ASAP1: variants seen among roughly 807,000 people sequenced by gnomAD.
The protein encoded by ASAP1 is arf-GAP with SH3 domain, ANK repeat and PH domain-containing protein 1.
A neutral mutation model predicts 145.2 loss-of-function variants in ASAP1; 43 were observed. The ratio of observed to expected loss-of-function variants is 0.30; its 90% CI spans 0.23 to 0.38. The LOEUF is 0.38. Ranked by LOEUF, ASAP1 falls within the 10% of genes least tolerant of loss-of-function variation. The pLI is 1.00. For synonymous variants in ASAP1, 546 were observed against 515.5 expected (o/e 1.06, Z -0.80); for missense variants, 1,018 against 1,355.3 (o/e 0.75, Z 3.91).
intron 1 of ASAP1, among the ~76,000 whole-genome samples, chr8:130,440,664 C>A (rs1459050177): frequency 6.6e-6 from 1 of 152,162 alleles, no homozygotes; most frequent in Admixed American, 6.5e-5. Flanking sequence ...GCGCCATTCC[C>A]CCCATCTCTC....
intron 3 of ASAP1, among the ~76,000 whole-genome samples, chr8:130,316,794 A>C (rs1212281989): frequency 6.6e-6 from 1 of 152,370 alleles, no homozygotes. Flanking sequence ...AGGAGAGAGA[A>C]ATAAACTATC....
At chr8:130,351,418 G>GT (rs560464276) in intron 3 of ASAP1, among the ~76,000 whole-genome samples, 262 of 152,024 alleles carry the variant, frequency 1.7e-3, no homozygotes, top group African/African-American at 5.9e-3. Flanking sequence ...TGTAAAAAAT[G>GT]TTTTTTTTAA....
chr8:130,383,477 A>G (rs1827874658), intron 2 of ASAP1, among the ~76,000 whole-genome samples: 1 of 152,200 alleles, frequency 6.6e-6, no homozygotes, highest in Admixed American at 6.5e-5. Flanking sequence ...ACTATGAACC[A>G]GGCACAGTGC....
In ASAP1 at chr8:130,058,049, T is replaced by C; in HGVS notation, c.3220A>G (p.Thr1074Ala). Residue 1074 changes from threonine (T) to alanine (A), a missense_variant, in exon 29 of 30, where the codon ACC becomes GCC. Transcript: ENST00000518721. ...TGKNKVRRVK[T>A]IYDCQADNDD... ...TTGTCTGCCTGGCAGTCATAAATGG[T>C]CTTCACTCGCCTCACTTTATTTTTC... The C allele has an allele frequency of 1.2e-6, 2 of 1,614,148 alleles. No individual in the cohort carries two copies.
chr8:130,440,325 G>A (rs1000046456), intron 1 of ASAP1, among the ~76,000 whole-genome samples: 8 of 152,110 alleles, frequency 5.3e-5, no homozygotes, highest in African/African-American at 1.2e-4. Context: ...TGATCAACAC[G>A]GCGAAACCCC....
At chr8:130,394,866 G>A (rs1828454157) in intron 2 of ASAP1, among the ~76,000 whole-genome samples, 1 of 152,162 alleles carries the variant, frequency 6.6e-6, no homozygotes, top group Admixed American at 6.5e-5. Flanking sequence ...CAGATGAGAT[G>A]CCTGGAGGCA....
rs754198419 is a variant in ASAP1, at chr8:130,060,580, G to C, written c.3191C>G (p.Thr1064Arg). The change falls in exon 28 of 30, where the codon ACG (threonine) becomes AGG (arginine). Residue 1064 changes from threonine to arginine, a missense_variant and splice_region_variant. This residue lies in a region of ASAP1 where 62 missense variants were observed against 97.8 expected (regional missense o/e 0.63). Coordinates refer to ENST00000518721, the MANE Select transcript of ASAP1 (RefSeq NM_018482.4). ...GGGCCTGAACATTGTCCCACCCACC[G>C]TATTGATTTTTCTGGGCAGTGGTAC... ...TPVPLPRKIN[T>R]GKNKVRRVKT... is the part of the protein sequence containing the mutation. 6.2e-7 allele frequency: 1 copy of C among 1,607,470 alleles called. No individual in the cohort carries two copies. Among genetic ancestry groups the C allele is most frequent in the East Asian group, 2.2e-5 (1 of 44,834 alleles).
intron 10 of ASAP1, among the ~76,000 whole-genome samples, chr8:130,168,642 C>A (rs545006177): frequency 5.3e-5 from 8 of 152,132 alleles, no homozygotes; most frequent in African/African-American, 1.9e-4. Context: ...ACTCTATAAA[C>A]CTGCCTATTC....
At position 130,198,761 on chromosome 8, in the gene ASAP1, G is replaced by A. The variant is rs527914250; in HGVS notation, c.406-10578C>T. 2.0e-5 allele frequency among the ~76,000 whole-genome samples: 3 copies of A among 152,272 alleles called. No individual in the cohort carries two copies. In the East Asian group the frequency reaches 5.8e-4, roughly 29 times the overall value. Reference sequence around the variant, plus strand: ...CAGGTTATTAATTAAGGTTTTTACTGACTCCAAAGGCCACTCTCATTTCCT... The same window carrying A: ...CAGGTTATTAATTAAGGTTTTTACTAACTCCAAAGGCCACTCTCATTTCCT... On this transcript the variant is annotated intron_variant, in intron 5 of 29. Coordinates refer to ENST00000518721, the MANE Select transcript of ASAP1 (RefSeq NM_018482.4).
intron 3 of ASAP1, among the ~76,000 whole-genome samples, chr8:130,315,455 A>G (rs2137590064): frequency 6.6e-6 from 1 of 152,320 alleles, no homozygotes; most frequent in Admixed American, 6.5e-5. Flanking sequence ...AACCAGGACT[A>G]TCCACTAATA....
intron 3 of ASAP1, among the ~76,000 whole-genome samples, chr8:130,280,092 T>C (rs188808758): frequency 2.0e-5 from 3 of 152,326 alleles, no homozygotes; most frequent in African/African-American, 7.2e-5. Flanking sequence ...CTTGACTATT[T>C]TGCTGACAAG....
intron 3 of ASAP1, among the ~76,000 whole-genome samples, chr8:130,302,644 C>A (rs1023236235): frequency 6.6e-6 from 1 of 152,104 alleles, no homozygotes; most frequent in Non-Finnish European, 1.5e-5. Flanking sequence ...GCAGCCAAGC[C>A]CTGGAGAGAC....
intron 27 of ASAP1, 22 bp downstream of exon 27, chr8:130,076,326 A>T: frequency 6.3e-7 from 1 of 1,591,172 alleles, no homozygotes; most frequent in Non-Finnish European, 8.6e-7. Flanking sequence ...TTACATGTAA[A>T]TGTAAAAATG....
intron 11 of ASAP1, among the ~76,000 whole-genome samples, chr8:130,165,088 C>A (rs1350539531): frequency 6.6e-6 from 1 of 152,192 alleles, no homozygotes; most frequent in Non-Finnish European, 1.5e-5. Flanking sequence ...GAAAACTCAT[C>A]ATTTATTAAT....
At chr8:130,274,285 C>T (rs191564889) in intron 3 of ASAP1, among the ~76,000 whole-genome samples, 303 of 152,314 alleles carry the variant, frequency 2.0e-3, no homozygotes, top group Middle Eastern at 0.014. Context: ...ATCAATAAGG[C>T]ATGAAAGATG....
chr8:130,279,478 T>G (rs1031669712), intron 3 of ASAP1, among the ~76,000 whole-genome samples: 1 of 152,174 alleles, frequency 6.6e-6, no homozygotes, highest in East Asian at 1.9e-4. Context: ...TATTTTTAAA[T>G]GGAGTGGGGG....
intron 25 of ASAP1, among the ~76,000 whole-genome samples, chr8:130,090,237 G>A (rs1371175677): frequency 6.6e-6 from 1 of 151,478 alleles, no homozygotes; most frequent in Non-Finnish European, 1.5e-5. Context: ...TCTATACAAT[G>A]TGAATAAAGG....
At chr8:130,262,406 AAAAAAAAAAAAGAGAGAG>A (rs1819959795) in intron 3 of ASAP1, among the ~76,000 whole-genome samples, 1 of 114,868 alleles carries the variant, frequency 8.7e-6, no homozygotes, top group Non-Finnish European at 1.7e-5. Flanking sequence ...AAAAAAAAAA[AAAAAAAAAAAAGAGAGAG>A]AGAGAGAGAG....
At chr8:130,140,173 T>C (rs1252774913) in intron 13 of ASAP1, among the ~76,000 whole-genome samples, 3 of 151,506 alleles carry the variant, frequency 2.0e-5, no homozygotes, top group Non-Finnish European at 4.4e-5. Context: ...GCTGGGACTA[T>C]GGATGCACAC....
Sources: gnomAD v4.1 joint callset for allele counts (sites outside exome capture counted in the v4.1 genomes callset) on GRCh38, gnomAD v4.1.1 for gene constraint, gnomAD v4.1.1 regional missense constraint, MANE v1.5 for transcripts, NCBI Gene and HGNC (gene_info 2026-07-23, HGNC 2026-07-21) for gene names.